Variants in RXRG observed in about 807,000 individuals in gnomAD.
RXRG encodes the protein retinoid X receptor gamma, also known as retinoic acid receptor RXR-gamma.
A neutral mutation model predicts 49.2 loss-of-function variants in RXRG; 19 were observed. That is an observed-to-expected ratio of 0.39 (90% CI 0.27 to 0.57). The LOEUF (loss-of-function observed/expected upper bound fraction) is 0.57, where lower values mean the gene tolerates loss of function less well. Ranked by LOEUF, RXRG falls within the 20% of genes least tolerant of loss-of-function variation. The probability of loss-of-function intolerance (pLI) is 0.64; values close to 1 mark genes in which losing one functional copy is unlikely to be tolerated. For synonymous variants in RXRG, 224 were observed against 216.6 expected (o/e 1.03, Z -0.30); for missense variants, 452 against 592.5 (o/e 0.76, Z 2.46).
chr1:165,409,594 C>T lies in RXRG; in HGVS notation c.1010G>A (p.Ser337Asn). The change falls in exon 7 of 10, where the codon AGT becomes AAT. Residue 337 changes from serine to asparagine, a missense_variant. Ser to Asn is a conservative substitution (Grantham distance 46, BLOSUM62 1). This residue lies in a region of RXRG where 286 missense variants were observed against 440.9 expected (regional missense o/e 0.65). Coordinates refer to ENST00000359842, the MANE Select transcript of RXRG (RefSeq NM_006917.5). ...GGAGCCGACCCCAGCACTGTGGGCACTGCTCCGGTGGACATGTAAACCCGT... is the reference window on the plus strand; with the variant it reads ...GGAGCCGACCCCAGCACTGTGGGCATTGCTCCGGTGGACATGTAAACCCGT... Reference protein sequence around the residue: ...LATGLHVHRSSAHSAGVGSIF... With the variant: ...LATGLHVHRSNAHSAGVGSIF... The T allele has an allele frequency of 3.8e-6, 6 of 1,563,224 alleles. No homozygotes were observed. The highest frequency in any genetic ancestry group is 5.2e-6 in the Non-Finnish European group (6 of 1,155,996).
At chr1:165,424,974 C>G in intron 2 of RXRG, 2 of 985,458 alleles carry the variant, frequency 2.0e-6, no homozygotes, top group Non-Finnish European at 2.4e-6. Flanking sequence ...TGCTCAGGGT[C>G]TCAGGCTGCT....
At chr1:165,425,497 C>T (rs185053425) in intron 2 of RXRG, among the ~76,000 whole-genome samples, 1 of 152,250 alleles carries the variant, frequency 6.6e-6, no homozygotes, top group African/African-American at 2.4e-5. Context: ...TGTCAATGCC[C>T]TTTGCAAAAC....
At chr1:165,419,125 G>C (rs573884683) in intron 3 of RXRG, among the ~76,000 whole-genome samples, 2 of 152,288 alleles carry the variant, frequency 1.3e-5, no homozygotes, top group South Asian at 4.1e-4. Context: ...GAAGAATGGA[G>C]AGGAAAGAAG....
intron 7 of RXRG, among the ~76,000 whole-genome samples, chr1:165,408,846 A>G (rs946427365): frequency 3.2e-4 from 49 of 152,318 alleles, no homozygotes; most frequent in Non-Finnish European, 5.1e-4. Flanking sequence ...TGACCAAAGA[A>G]GACCATTTAC....
At chr1:165,423,145 G>T (rs1415938335) in intron 2 of RXRG, among the ~76,000 whole-genome samples, 1 of 152,212 alleles carries the variant, frequency 6.6e-6, no homozygotes, top group Admixed American at 6.5e-5. Context: ...TGGCTGGCTT[G>T]GGGTTTGTTT....
intron 9 of RXRG, among the ~76,000 whole-genome samples, chr1:165,404,917 C>A (rs1557908457): frequency 1.3e-5 from 2 of 152,118 alleles, no homozygotes. Flanking sequence ...TGCCACCACA[C>A]CTGGCTAATT....
intron 4 of RXRG, among the ~76,000 whole-genome samples, chr1:165,414,500 G>A (rs1658065911): frequency 6.6e-6 from 1 of 152,156 alleles, no homozygotes; most frequent in Non-Finnish European, 1.5e-5. Context: ...TAGAAATGAT[G>A]GTTTCTCTGA....
At chr1:165,410,570 C>T (rs945446423) in intron 6 of RXRG, 132 bp downstream of exon 6, 10 of 1,004,498 alleles carry the variant, frequency 1.0e-5, no homozygotes, top group South Asian at 3.6e-5. Flanking sequence ...TGAACAACCC[C>T]GCACAGGGTT....
In RXRG at chr1:165,419,893, G is replaced by A; in HGVS notation, c.419C>T (p.Ala140Val). Reference protein sequence around the residue: ...SPGSLVKHICAICGDRSSGKH... With the variant: ...SPGSLVKHICVICGDRSSGKH... ...ACCTGAGGATCTGTCTCCACAGATG[G>A]CACAGATGTGTTTAACCAGAGATCC... Residue 140 changes from alanine (A) to valine (V), a missense_variant, in exon 3 of 10, where the codon GCC (alanine) becomes GTC (valine). This residue lies in a region of RXRG where 286 missense variants were observed against 440.9 expected (regional missense o/e 0.65). Transcript: ENST00000359842. 1.2e-6 allele frequency: 2 copies of A among 1,612,408 alleles called. No individual in the cohort carries two copies. The highest frequency in any genetic ancestry group is 1.7e-6 in the Non-Finnish European group (2 of 1,179,148).
intron 1 of RXRG, among the ~76,000 whole-genome samples, chr1:165,438,451 A>G (rs1658882153): frequency 6.6e-6 from 1 of 152,168 alleles, no homozygotes; most frequent in Non-Finnish European, 1.5e-5. Flanking sequence ...CTACAACACC[A>G]CTTTAAGGTC....
intron 9 of RXRG, among the ~76,000 whole-genome samples, chr1:165,402,653 C>A (rs1657617816): frequency 6.6e-6 from 1 of 151,914 alleles, no homozygotes; most frequent in African/African-American, 2.4e-5. Flanking sequence ...CATGCACTTA[C>A]ACACACACCC....
intron 8 of RXRG, 68 bp from the exon 9 acceptor site, chr1:165,406,985 G>A: frequency 2.6e-6 from 3 of 1,170,662 alleles, no homozygotes; most frequent in Admixed American, 3.5e-5. Context: ...CATTCTCTCT[G>A]GCCACTCTCT....
chr1:165,403,094 T>C (rs567065549), intron 9 of RXRG, among the ~76,000 whole-genome samples: 1 of 152,220 alleles, frequency 6.6e-6, no homozygotes, highest in Non-Finnish European at 1.5e-5. Flanking sequence ...ACTGAGGACA[T>C]TTGTTGTGAG....
intron 9 of RXRG, among the ~76,000 whole-genome samples, chr1:165,404,843 C>T (rs1337501107): frequency 6.6e-6 from 1 of 152,166 alleles, no homozygotes; most frequent in African/African-American, 2.4e-5. Context: ...ACCACAACCT[C>T]CACCTCCCCG....
rs757609630 is a variant in RXRG, at chr1:165,409,600, C to T, written c.1004G>A (p.Arg335Gln). The T allele has an allele frequency of 1.3e-5, 21 of 1,569,766 alleles. No homozygotes were observed. The highest frequency in any genetic ancestry group is 1.6e-5 in the Non-Finnish European group (18 of 1,159,240). The change falls in exon 7 of 10, where the codon CGG (arginine) becomes CAG (glutamine). Residue 335 changes from arginine (R) to glutamine (Q), a missense_variant. This residue lies in a region of RXRG where 286 missense variants were observed against 440.9 expected (regional missense o/e 0.65). Transcript: ENST00000359842. ...GACCCCAGCACTGTGGGCACTGCTC[C>T]GGTGGACATGTAAACCCGTGGCCAG... ...ILLATGLHVH[R>Q]SSAHSAGVGS...
chr1:165,430,587 T>C (rs1271958922), intron 1 of RXRG, among the ~76,000 whole-genome samples: 2 of 152,220 alleles, frequency 1.3e-5, no homozygotes, highest in African/African-American at 4.8e-5. Flanking sequence ...GGAGCTTTGG[T>C]CTATCAGGGA....
At chr1:165,423,406 A>G (rs879354759) in intron 2 of RXRG, among the ~76,000 whole-genome samples, 5 of 152,212 alleles carry the variant, frequency 3.3e-5, no homozygotes, top group African/African-American at 1.2e-4. Context: ...AGACTCAGCC[A>G]GGGACCAATT....
intron 2 of RXRG, chr1:165,424,916 G>A (rs919001642): frequency 7.1e-6 from 7 of 985,494 alleles, no homozygotes; most frequent in Non-Finnish European, 8.4e-6. Context: ...CTCGTTAACC[G>A]AGCAAAGCAT....
intron 2 of RXRG, chr1:165,424,617 A>C (rs1225415139): frequency 9.5e-6 from 2 of 210,182 alleles, no homozygotes; most frequent in Non-Finnish European, 1.7e-5. Context: ...TTTACTCCTC[A>C]AGATCAAAAA....
Sources: gnomAD v4.1 joint callset for allele counts (sites outside exome capture counted in the v4.1 genomes callset) on GRCh38, gnomAD v4.1.1 for gene constraint, gnomAD v4.1.1 regional missense constraint, MANE v1.5 for transcripts, NCBI Gene and HGNC (gene_info 2026-07-23, HGNC 2026-07-21) for gene names.